PDE10A: variants seen among roughly 807,000 people sequenced by gnomAD.
PDE10A encodes the protein phosphodiesterase 10A, also known as cAMP and cAMP-inhibited cGMP 3',5'-cyclic phosphodiesterase 10A.
A neutral mutation model predicts 97.7 loss-of-function variants in PDE10A; 39 were observed. That is an observed-to-expected ratio of 0.40 (90% CI 0.31 to 0.52). The LOEUF (loss-of-function observed/expected upper bound fraction) is 0.52, where lower values mean the gene tolerates loss of function less well. Among genes scored for constraint, PDE10A ranks in the 20% least tolerant of loss-of-function variants. The pLI is 0.56. For missense variants in PDE10A, 731 were observed against 1,047.8 expected, an observed-to-expected ratio of 0.70 and a Z score of 4.17; for synonymous variants, 371 against 376.8, an observed-to-expected ratio of 0.98 and a Z score of 0.18.
At chr6:165,839,982 C>CTCAT (rs1583173827) in intron 1 of PDE10A, among the ~76,000 whole-genome samples, 3 of 152,104 alleles carry the variant, frequency 2.0e-5, no homozygotes, top group Non-Finnish European at 2.9e-5. Context: ...CATCCCCATC[C>CTCAT]CCATCTCCAA....
chr6:165,415,226 A>G (rs565107836), intron 12 of PDE10A, among the ~76,000 whole-genome samples: 10 of 152,296 alleles, frequency 6.6e-5, no homozygotes, highest in African/African-American at 2.4e-4. Context: ...GGACTTTTGG[A>G]AAAAAACTTT....
intron 1 of PDE10A, among the ~76,000 whole-genome samples, chr6:165,930,509 A>T (rs371383981): frequency 1.3e-5 from 2 of 152,338 alleles, no homozygotes; most frequent in African/African-American, 4.8e-5. Context: ...TTCCCTGCTG[A>T]ATTCACAGTC....
chr6:165,722,026 A>G (rs965920173), intron 1 of PDE10A, among the ~76,000 whole-genome samples: 4 of 152,224 alleles, frequency 2.6e-5, no homozygotes, highest in African/African-American at 9.7e-5. Flanking sequence ...TTAAATATGC[A>G]CTTAGCCACA....
At chr6:165,722,962 T>G (rs751090669) in intron 1 of PDE10A, among the ~76,000 whole-genome samples, 2 of 152,046 alleles carry the variant, frequency 1.3e-5, no homozygotes, top group Non-Finnish European at 2.9e-5. Context: ...CCCAGAATCT[T>G]AATTTGAACT....
intron 13 of PDE10A, among the ~76,000 whole-genome samples, chr6:165,398,112 T>G (rs777084270): frequency 2.6e-5 from 4 of 152,240 alleles, no homozygotes; most frequent in Non-Finnish European, 4.4e-5. Flanking sequence ...GAGATAATGA[T>G]CTAAGGGATG....
intron 18 of PDE10A, among the ~76,000 whole-genome samples, chr6:165,352,921 G>GA (rs1782790008): frequency 6.6e-6 from 1 of 152,054 alleles, no homozygotes; most frequent in African/African-American, 2.4e-5. Flanking sequence ...CAGACCGAGA[G>GA]AAAACATTGG....
chr6:165,958,716 GA>G (rs773983543), intron 1 of PDE10A, among the ~76,000 whole-genome samples: 695 of 58,736 alleles, frequency 0.012, 15 homozygotes, highest in African/African-American at 0.025. Context: ...AAGAAAGAGA[GA>G]AGAAAGAAAG....
intron 18 of PDE10A, among the ~76,000 whole-genome samples, chr6:165,365,971 G>T (rs140070649): frequency 1.1e-3 from 165 of 152,092 alleles, no homozygotes; most frequent in African/African-American, 3.6e-3. Context: ...GCCTATTAAA[G>T]AACTAATTCC....
Position 165,606,898 on chromosome 6 carries a change from G to C in PDE10A, c.865+55049C>G, listed in dbSNP as rs556358684. ...CTCTATTACTAATCATAAGAGGGGT[G>C]GGAGCCCAGATGATCAATATGATAA... On this transcript the variant is annotated intron_variant, in intron 1 of 21. Transcript: ENST00000539869. Among the ~76,000 whole-genome samples the C allele has an allele frequency of 5.3e-5, 8 of 152,184 alleles. No homozygotes were observed. In the South Asian group the frequency reaches 8.3e-4, roughly 16 times the overall value.
At chr6:165,521,524 A>G (rs555414539) in intron 2 of PDE10A, among the ~76,000 whole-genome samples, 1 of 152,252 alleles carries the variant, frequency 6.6e-6, no homozygotes, top group Non-Finnish European at 1.5e-5. Flanking sequence ...TATAAGTTCT[A>G]CTCCAGTGAA....
chr6:165,832,560 C>A (rs561451352), intron 1 of PDE10A, among the ~76,000 whole-genome samples: 1 of 152,198 alleles, frequency 6.6e-6, no homozygotes, highest in Admixed American at 6.5e-5. Context: ...GCTTCTCAGC[C>A]AACCCCAGGA....
rs533604630 is a variant in PDE10A at position 165,767,151 on chromosome 6, T to G, written c.-615+220378A>C. On this transcript the variant is annotated intron_variant, in intron 1 of 19. Coordinates refer to the PDE10A transcript ENST00000366882. ...TCTAATCAGATTTTTGTTTTTTGCT[T>G]TGCCTTAAGTTCCCTAAAAGACTGG... 9.8e-5 allele frequency among the ~76,000 whole-genome samples: 15 copies of G among 152,332 alleles called. 2 individuals carry two copies. In the East Asian group the frequency reaches 2.1e-3, roughly 22 times the overall value.
At chr6:165,540,659 T>A (rs1331991265) in intron 2 of PDE10A, among the ~76,000 whole-genome samples, 1 of 152,200 alleles carries the variant, frequency 6.6e-6, no homozygotes, top group Non-Finnish European at 1.5e-5. Context: ...GTTTGTTTGG[T>A]TGCTCTGCTG....
intron 1 of PDE10A, among the ~76,000 whole-genome samples, chr6:165,913,132 C>T (rs1466830395): frequency 1.3e-5 from 2 of 152,086 alleles, no homozygotes; most frequent in African/African-American, 4.8e-5. Context: ...ATATATGAAA[C>T]ATAAATAAGT....
At chr6:165,360,751 C>G (rs962814452) in intron 18 of PDE10A, among the ~76,000 whole-genome samples, 2 of 152,144 alleles carry the variant, frequency 1.3e-5, no homozygotes, top group Non-Finnish European at 2.9e-5. Context: ...ATGTCTCCCC[C>G]AAATACTGTT....
chr6:165,987,812 G>A (rs564494221), exon 1 of PDE10A: 24 of 443,516 alleles, frequency 5.4e-5, no homozygotes, highest in South Asian at 3.5e-4. Flanking sequence ...AGGCGAGTGT[G>A]TGGGGTTCCT....
At chr6:165,884,832 A>T (rs1165416145) in intron 1 of PDE10A, among the ~76,000 whole-genome samples, 1 of 152,244 alleles carries the variant, frequency 6.6e-6, no homozygotes, top group Non-Finnish European at 1.5e-5. Context: ...AGAAAATTAT[A>T]AACATCTTCA....
At chr6:165,915,105 T>C (rs1413090825) in intron 1 of PDE10A, among the ~76,000 whole-genome samples, 1 of 152,152 alleles carries the variant, frequency 6.6e-6, no homozygotes, top group Admixed American at 6.5e-5. Context: ...AACTCTAACT[T>C]GCAAATGTGC....
At position 165,737,314 on chromosome 6, in the gene PDE10A, A is replaced by G. The variant is rs76939482; in HGVS notation, c.-614-193746T>C. ...ATGAAGCCAACATTACTTTAATACC[A>G]AAGTCAGACAAGGATACTACAAGAA... is the stretch of plus-strand genomic sequence containing the variant. On this transcript the variant is annotated intron_variant, in intron 1 of 19. Coordinates refer to the PDE10A transcript ENST00000366882. Among the ~76,000 whole-genome samples, 353 of 152,222 alleles carry G rather than the reference A, an allele frequency of 2.3e-3. 3 individuals are homozygous for G. Among genetic ancestry groups the G allele is most frequent in the African/African-American group, 8.1e-3 (335 of 41,582 alleles).
Sources: gnomAD v4.1 joint callset for allele counts (sites outside exome capture counted in the v4.1 genomes callset) on GRCh38, gnomAD v4.1.1 for gene constraint, MANE v1.5 for transcripts, NCBI Gene and HGNC (gene_info 2026-07-23, HGNC 2026-07-21) for gene names.